The following SLF1 variants were observed in gnomAD, a reference collection of about 807,000 sequenced individuals.
SLF1 encodes SMC5-SMC6 complex localization factor protein 1.
SLF1 carries 105 observed loss-of-function variants against 123.0 expected under a neutral mutation model. The observed-to-expected ratio is 0.85, with a 90% CI of 0.73 to 1.00. SLF1 has a LOEUF of 1.00. SLF1 is among the 50% of genes least tolerant of loss of function. SLF1 has a pLI of 0.00. For synonymous variants in SLF1, 434 were observed against 406.6 expected (o/e 1.07, Z -0.81); for missense variants, 1,239 against 1,223.0 (o/e 1.01, Z -0.20).
chr5:94,683,568 A>G (rs1752067609), intron 15 of SLF1, among the ~76,000 whole-genome samples: 1 of 152,244 alleles, frequency 6.6e-6, no homozygotes, highest in South Asian at 2.1e-4. Flanking sequence ...GAACATGAAG[A>G]GTAAGTAGAA....
intron 9 of SLF1, among the ~76,000 whole-genome samples, chr5:94,657,206 T>G (rs1487073274): frequency 2.0e-5 from 3 of 151,952 alleles, no homozygotes; most frequent in African/African-American, 7.2e-5. Context: ...CTTTTAGCAC[T>G]GCTTTTGCTG....
At position 94,695,219 on chromosome 5, in the gene SLF1, G is replaced by C. The variant is rs775356115; in HGVS notation, c.3084G>C (p.Leu1028=). ...AACTCCCACACATTCTTAAGGAACT[G>C]CCTGAGAATTTGAAAGTGTGTCCTG... ...LQKLPHILKE[L]PENLKVCPGV... is the part of the protein sequence containing the mutation. The change falls in exon 21 of 21, where the codon CTG becomes CTC. Residue 1028 remains leucine (L), a synonymous_variant. Transcript: ENST00000265140. 1.9e-6 allele frequency: 3 copies of C among 1,612,648 alleles called. No homozygotes were observed. The South Asian group carries it at 3.3e-5, about 18-fold the overall frequency.
At chr5:94,633,149 G>A (rs1200869526) in intron 4 of SLF1, among the ~76,000 whole-genome samples, 3 of 151,932 alleles carry the variant, frequency 2.0e-5, no homozygotes, top group East Asian at 1.9e-4. Flanking sequence ...CATCACACCC[G>A]GCTAATTTTA....
rs1753455655 is a variant in SLF1, at chr5:94,695,395, G to A, written c.*83G>A. ...CTGTGGACTTCATAGCTTACTGACA[G>A]ATAGTAATTTGATTTATTTATTGAC... On this transcript the variant is annotated 3_prime_UTR_variant, in exon 21 of 21. Coordinates refer to ENST00000265140, the MANE Select transcript of SLF1 (RefSeq NM_032290.4). 1.5e-6 allele frequency: 2 copies of A among 1,373,218 alleles called. No homozygotes were observed. The highest frequency in any genetic ancestry group is 4.0e-5 in the South Asian group (2 of 49,616). The allele number at this position is 1,373,218 out of a possible 1,614,324, so 85.1% of individuals were successfully genotyped here.
Position 94,686,692 on chromosome 5 carries a change from T to C in SLF1, c.2095T>C (p.Ser699Pro). The C allele has an allele frequency of 6.2e-7, 1 of 1,614,076 alleles. No homozygotes were observed. The highest frequency in any genetic ancestry group is 8.5e-7 in the Non-Finnish European group (1 of 1,179,960). Reference sequence around the variant, plus strand: ...TCTACAGAGCTCTGGCAGTGTTTCTTCTGAGCCACTCTCTCTTCAGAAAAT... The same window carrying C: ...TCTACAGAGCTCTGGCAGTGTTTCTCCTGAGCCACTCTCTCTTCAGAAAAT... Reference protein sequence around the residue: ...LCLQSSGSVSSEPLSLQKMVY... With the variant: ...LCLQSSGSVSPEPLSLQKMVY... The change falls in exon 16 of 21, where the codon TCT becomes CCT. Residue 699 changes from serine to proline, a missense_variant. Ser to Pro is a moderately conservative substitution (Grantham distance 74). Transcript: ENST00000265140.
At chr5:94,630,232 T>G (rs989739250) in intron 3 of SLF1, among the ~76,000 whole-genome samples, 1 of 152,180 alleles carries the variant, frequency 6.6e-6, no homozygotes, top group Non-Finnish European at 1.5e-5. Context: ...TATATTTAAA[T>G]GAAACTGTAA....
chr5:94,683,373 GGAA>G (rs2152495604), intron 15 of SLF1, among the ~76,000 whole-genome samples: 1 of 152,202 alleles, frequency 6.6e-6, no homozygotes, highest in Non-Finnish European at 1.5e-5. Context: ...TCTATACAGT[GGAA>G]GAAGTAAACA....
In SLF1 at chr5:94,662,212, A is replaced by G. The variant is rs2076187497; in HGVS notation, c.1156-86A>G. The G allele has an allele frequency of 3.5e-6, 4 of 1,145,684 alleles. No homozygotes were observed. In the African/African-American group the frequency reaches 4.7e-5, roughly 14 times the overall value. 71.0% of individuals were successfully genotyped at this position (1,145,684 alleles called of 1,614,324 possible). ...ATTAATGTGTTCCTGGATCTGTTTT[A>G]TATGTTTTTCCAAGGTTTTGGGGAA... is the stretch of plus-strand genomic sequence containing the variant. On this transcript the variant is annotated intron_variant, in intron 9 of 20. Coordinates refer to ENST00000265140, the MANE Select transcript of SLF1 (RefSeq NM_032290.4).
chr5:94,678,752 AACAGAAATTCAAT>A, intron 14 of SLF1, 43 bp from the exon 15 acceptor site: 1 of 1,456,330 alleles, frequency 6.9e-7, no homozygotes, highest in Non-Finnish European at 9.4e-7. Context: ...AATAAATACT[AACAGAAATTCAAT>A]ATTGTAATAT....
intron 9 of SLF1, among the ~76,000 whole-genome samples, chr5:94,659,881 G>T (rs1271953291): frequency 2.0e-5 from 3 of 152,096 alleles, no homozygotes; most frequent in Admixed American, 2.0e-4. Flanking sequence ...TGGTGTGCAT[G>T]GCATTCGTGA....
chr5:94,692,847 T>A (rs973996144), intron 20 of SLF1, among the ~76,000 whole-genome samples: 1 of 152,164 alleles, frequency 6.6e-6, no homozygotes, highest in Non-Finnish European at 1.5e-5. Context: ...TTCATCTGCG[T>A]TTTTCCTGCT....
At chr5:94,652,845 C>A (rs1050844803) in intron 7 of SLF1, among the ~76,000 whole-genome samples, 21 of 152,080 alleles carry the variant, frequency 1.4e-4, no homozygotes, top group African/African-American at 5.1e-4. Flanking sequence ...TTCTGTTGTA[C>A]GTACTTCTTT....
chr5:94,627,145 A>G (rs576706781), intron 1 of SLF1, among the ~76,000 whole-genome samples: 2 of 152,314 alleles, frequency 1.3e-5, no homozygotes, highest in African/African-American at 4.8e-5. Context: ...CTGGGCTCAA[A>G]TCGTCACAGT....
chr5:94,663,251 T>C (rs570673763), intron 10 of SLF1, among the ~76,000 whole-genome samples: 1 of 152,338 alleles, frequency 6.6e-6, no homozygotes, highest in African/African-American at 2.4e-5. Flanking sequence ...ATATAACAAG[T>C]AATAAAATAC....
chr5:94,650,379 T>A (rs1167091400), intron 6 of SLF1, among the ~76,000 whole-genome samples: 1 of 139,362 alleles, frequency 7.2e-6, no homozygotes, highest in East Asian at 2.2e-4. Context: ...TTTTTTTTTT[T>A]TGAGACAGAG....
chr5:94,639,505 A>G (rs1354050517), intron 4 of SLF1, among the ~76,000 whole-genome samples: 1 of 152,116 alleles, frequency 6.6e-6, no homozygotes, highest in African/African-American at 2.4e-5. Context: ...AATGTCAAAC[A>G]GTATCTTTTT....
chr5:94,678,045 C>T (rs1246261718), intron 14 of SLF1, among the ~76,000 whole-genome samples: 4 of 151,964 alleles, frequency 2.6e-5, no homozygotes, highest in Non-Finnish European at 5.9e-5. Flanking sequence ...CTCAGCCTCC[C>T]GAGTAGCTGG....
At chr5:94,622,262 G>A (rs17328400) in intron 1 of SLF1, among the ~76,000 whole-genome samples, 12,427 of 152,218 alleles carry the variant, frequency 0.082, 562 homozygotes, top group South Asian at 0.12. Context: ...ATTCAGAGCA[G>A]AAATCTTGAC....
At chr5:94,662,435 G>A in intron 10 of SLF1, 84 bp downstream of exon 10, 1 of 1,189,502 alleles carries the variant, frequency 8.4e-7, no homozygotes. Context: ...TAAAAGTAAT[G>A]TGTTGTATGC....
Sources: allele counts gnomAD v4.1 joint callset (sites outside exome capture counted in the v4.1 genomes callset), GRCh38; gene constraint gnomAD v4.1.1; transcripts MANE v1.5; gene names NCBI Gene and HGNC (gene_info 2026-07-23, HGNC 2026-07-21).